The following SEL1L3 variants were observed in gnomAD, a reference collection of about 807,000 sequenced individuals.
The protein encoded by SEL1L3 is protein sel-1 homolog 3.
A neutral mutation model predicts 142.8 loss-of-function variants in SEL1L3; 76 were observed. The observed-to-expected ratio is 0.53, with a 90% CI of 0.44 to 0.64. The LOEUF (loss-of-function observed/expected upper bound fraction) is 0.64. Ranked by LOEUF, SEL1L3 falls within the 30% of genes least tolerant of loss-of-function variation. The pLI is 0.00. For synonymous variants in SEL1L3, 504 were observed against 519.6 expected (o/e 0.97, Z 0.41); for missense variants, 1,262 against 1,381.7 (o/e 0.91, Z 1.37).
chr4:25,836,229 A>G (rs1395583573), intron 2 of SEL1L3, among the ~76,000 whole-genome samples: 1 of 152,232 alleles, frequency 6.6e-6, no homozygotes, highest in Non-Finnish European at 1.5e-5. Context: ...TAAAGGGAGA[A>G]CTGAGTTATT....
At chr4:25,753,757 G>A (rs181250238) in intron 23 of SEL1L3, among the ~76,000 whole-genome samples, 210 of 152,316 alleles carry the variant, frequency 1.4e-3, no homozygotes, top group Middle Eastern at 6.8e-3. Context: ...TCCAAGGCAG[G>A]TAGATCCCTT....
chr4:25,828,651 C>A (rs73115773), intron 6 of SEL1L3, among the ~76,000 whole-genome samples: 1,529 of 152,180 alleles, frequency 0.01, 30 homozygotes, highest in African/African-American at 0.034. Flanking sequence ...TCCTGAAGTG[C>A]TGGGATTACA....
intron 2 of SEL1L3, among the ~76,000 whole-genome samples, chr4:25,841,904 G>C (rs1257613033): frequency 6.6e-6 from 1 of 152,176 alleles, no homozygotes; most frequent in East Asian, 1.9e-4. Flanking sequence ...AGGGTGCAGT[G>C]AGCTGAGATC....
At position 25,763,376 on chromosome 4, in the gene SEL1L3, G is replaced by A. The variant is rs146219840; in HGVS notation, c.2955+1950C>T. Among the ~76,000 whole-genome samples the A allele has an allele frequency of 5.0e-3, 757 of 152,122 alleles. 7 individuals are homozygous for A. The highest frequency in any genetic ancestry group is 0.018 in the African/African-American group (728 of 41,498). On this transcript the variant is annotated intron_variant, in intron 20 of 23. Transcript: ENST00000399878. Reference sequence around the variant, plus strand: ...ACTGAACATCTCATTTAATCCTCACGATCTATGAGGCAGATGCTCTTATTA... The same window carrying A: ...ACTGAACATCTCATTTAATCCTCACAATCTATGAGGCAGATGCTCTTATTA...
intron 11 of SEL1L3, among the ~76,000 whole-genome samples, chr4:25,801,752 ACT>A (rs1211144698): frequency 6.6e-6 from 1 of 152,166 alleles, no homozygotes; most frequent in African/African-American, 2.4e-5. Flanking sequence ...ACCTGGGAGC[ACT>A]GGTGTAGCAA....
At chr4:25,737,890 C>CTTTTTTTTT in the SEL1L3 span, among the ~76,000 whole-genome samples, 1 of 150,952 alleles carries the variant, frequency 6.6e-6, no homozygotes, top group Non-Finnish European at 1.5e-5. Context: ...ATACAGTTGC[C>CTTTTTTTTT]TTTTTTTTTG....
intron 15 of SEL1L3, among the ~76,000 whole-genome samples, chr4:25,780,874 G>A (rs1719952620): frequency 2.7e-5 from 4 of 149,586 alleles, no homozygotes; most frequent in Admixed American, 2.7e-4. Context: ...CGCTCAGGCT[G>A]GAGTACAGTG....
At chr4:25,714,541 T>TTTCTTTCTTTCTTTC in the SEL1L3 span, among the ~76,000 whole-genome samples, 2 of 132,320 alleles carry the variant, frequency 1.5e-5, no homozygotes, top group Non-Finnish European at 3.2e-5. Context: ...TCTTTCTTTC[T>TTTCTTTCTTTCTTTC]TTCTTTCTTT....
At position 25,796,690 on chromosome 4, in the gene SEL1L3, G is replaced by A. The variant is rs73260006; in HGVS notation, c.1956+5593C>T. Among the ~76,000 whole-genome samples, 584 of 151,988 alleles carry A rather than the reference G, an allele frequency of 3.8e-3. 3 individuals carry two copies. The highest frequency in any genetic ancestry group is 6.8e-3 in the Non-Finnish European group (465 of 67,972). ...ACTTGTAGTCCCAGCTACTTGGAAG[G>A]CTGAGGTATGAGCCCGGGAGGTGGA... On this transcript the variant is annotated intron_variant, in intron 11 of 23. Transcript: ENST00000399878.
chr4:25,858,633 T>G (rs1717436396), intron 1 of SEL1L3, among the ~76,000 whole-genome samples: 1 of 152,186 alleles, frequency 6.6e-6, no homozygotes, highest in African/African-American at 2.4e-5. Context: ...GTCGCCAGGC[T>G]GGAGTGCAGC....
chr4:25,852,148 G>T (rs1716950765), intron 1 of SEL1L3, among the ~76,000 whole-genome samples: 1 of 152,188 alleles, frequency 6.6e-6, no homozygotes, highest in African/African-American at 2.4e-5. Flanking sequence ...AGCAGAGAAT[G>T]TTACAGTGGA....
intron 1 of SEL1L3, chr4:25,860,683 G>A (rs1560367465): frequency 1.3e-5 from 2 of 152,218 alleles, no homozygotes; most frequent in African/African-American, 4.8e-5. Flanking sequence ...CGTATCAGAA[G>A]TCCATCTGAA....
chr4:25,752,556 T>A (rs1479927148), intron 23 of SEL1L3, among the ~76,000 whole-genome samples: 1 of 152,182 alleles, frequency 6.6e-6, no homozygotes, highest in Non-Finnish European at 1.5e-5. Context: ...AGTGTCAGCA[T>A]GCTTTAATTA....
chr4:25,809,072 CAAA>C (rs57752271), intron 9 of SEL1L3, among the ~76,000 whole-genome samples: 2 of 60,270 alleles, frequency 3.3e-5, no homozygotes, highest in Non-Finnish European at 3.6e-5. Flanking sequence ...GACTCTGTCT[CAAA>C]AAAAAAAAAA....
intron 9 of SEL1L3, among the ~76,000 whole-genome samples, chr4:25,812,961 C>T (rs1043791634): frequency 2.6e-5 from 4 of 152,020 alleles, no homozygotes; most frequent in Middle Eastern, 3.2e-3. Context: ...TGTAGTGAGC[C>T]GAGATCTGCC....
In SEL1L3 at chr4:25,862,854, C is replaced by G. The variant is rs2109336265; in HGVS notation, c.-18G>C. On this transcript the variant is annotated 5_prime_UTR_variant, in exon 1 of 24. Transcript: ENST00000399878. ...CGCTGCATGGCGAGGCCGCCCGGATCCGGGCCGGAACAGGTCACCTGGTGC... is the reference window on the plus strand; with the variant it reads ...CGCTGCATGGCGAGGCCGCCCGGATGCGGGCCGGAACAGGTCACCTGGTGC... 9.1e-7 allele frequency: 1 copy of G among 1,094,990 alleles called. No homozygotes were observed. The highest frequency in any genetic ancestry group is 5.7e-5 in the East Asian group (1 of 17,396). The allele number at this position is 1,094,990 out of a possible 1,614,324, so 67.8% of individuals were successfully genotyped here. A position where few individuals can be genotyped will look rare whatever the true frequency, so the allele number is the denominator to read the frequency against.
chr4:25,779,934 G>A (rs1175354357), intron 15 of SEL1L3, among the ~76,000 whole-genome samples: 1 of 152,100 alleles, frequency 6.6e-6, no homozygotes, highest in African/African-American at 2.4e-5. Flanking sequence ...ACTAAAAAAT[G>A]TGCCTTCAGA....
chr4:25,852,953 C>A (rs2058152812), intron 1 of SEL1L3, among the ~76,000 whole-genome samples: 1 of 152,176 alleles, frequency 6.6e-6, no homozygotes, highest in Admixed American at 6.5e-5. Context: ...TTCATAATAA[C>A]CGTGTTCATT....
Position 25,819,933 on chromosome 4 carries a change from T to C in SEL1L3, c.1298A>G (p.Asn433Ser), listed in dbSNP as rs777034432. ...LRSLHPAQIF[N>S]PLLEKQLAEQ... The stretch of plus-strand genomic sequence containing the variant: ...AGCAAGTTGCTTCTCAAGGAGGGGA[T>C]TAAAAATCTACAAGAAGGCAAGAAA... The change falls in exon 8 of 24, where the codon AAT becomes AGT. Residue 433 changes from asparagine to serine, a missense_variant. Asn to Ser is a conservative substitution (Grantham distance 46). Coordinates refer to ENST00000399878, the MANE Select transcript of SEL1L3 (RefSeq NM_015187.5). 1.2e-6 allele frequency: 2 copies of C among 1,610,556 alleles called. No homozygotes were observed. Among genetic ancestry groups the C allele is most frequent in the East Asian group, 2.2e-5 (1 of 44,832 alleles).
Sources: gnomAD v4.1 joint callset for allele counts (sites outside exome capture counted in the v4.1 genomes callset) on GRCh38, gnomAD v4.1.1 for gene constraint, MANE v1.5 for transcripts, NCBI Gene and HGNC (gene_info 2026-07-23, HGNC 2026-07-21) for gene names.